KHDRBS2: variants seen among roughly 807,000 people sequenced by gnomAD.
KHDRBS2 encodes the protein KH domain-containing, RNA-binding, signal transduction-associated protein 2.
KHDRBS2 carries 26 observed loss-of-function variants against 44.3 expected under a neutral mutation model. The ratio of observed to expected loss-of-function variants is 0.59; its 90% CI spans 0.43 to 0.81. The LOEUF (loss-of-function observed/expected upper bound fraction) is 0.81. Among genes scored for constraint, KHDRBS2 ranks in the 40% least tolerant of loss-of-function variants. The pLI is 0.00. For missense variants in KHDRBS2, 476 were observed against 433.1 expected (o/e 1.10, Z -0.88); for synonymous variants, 194 against 151.1 (o/e 1.28, Z -2.08).
the KHDRBS2 span, among the ~76,000 whole-genome samples, chr6:61,597,773 TACACCA>T: frequency 1.9e-4 from 8 of 42,338 alleles, no homozygotes; most frequent in East Asian, 1.0e-3. Context: ...TATATATATA[TACACCA>T]AGATTATTGC....
chr6:61,758,058 T>G (rs990497842), intron 6 of KHDRBS2, among the ~76,000 whole-genome samples: 8 of 152,160 alleles, frequency 5.3e-5, no homozygotes, highest in African/African-American at 1.7e-4. Context: ...TTACAATTTT[T>G]AGCTGCCTTG....
the KHDRBS2 span, among the ~76,000 whole-genome samples, chr6:61,558,487 A>G: frequency 6.6e-6 from 1 of 152,154 alleles, no homozygotes; most frequent in East Asian, 1.9e-4. Flanking sequence ...GCTTGAGCCC[A>G]GGATGTTGAG....
At chr6:61,727,783 G>A (rs1021532706) in intron 7 of KHDRBS2, among the ~76,000 whole-genome samples, 2 of 151,672 alleles carry the variant, frequency 1.3e-5, no homozygotes. Flanking sequence ...AAACATGCTC[G>A]TGAAGTTGCA....
the KHDRBS2 span, among the ~76,000 whole-genome samples, chr6:61,631,396 G>A: frequency 6.7e-6 from 1 of 150,374 alleles, no homozygotes; most frequent in Non-Finnish European, 1.5e-5. Flanking sequence ...TTTGGGAGAG[G>A]CATACCTAAC....
At chr6:62,007,550 T>A (rs1236024909) in intron 3 of KHDRBS2, among the ~76,000 whole-genome samples, 2 of 152,104 alleles carry the variant, frequency 1.3e-5, no homozygotes, top group African/African-American at 4.8e-5. Flanking sequence ...TTTAATCTGT[T>A]TAATTAATTA....
intron 1 of KHDRBS2, among the ~76,000 whole-genome samples, chr6:62,271,693 G>A (rs1407779879): frequency 2.0e-5 from 3 of 151,968 alleles, no homozygotes; most frequent in African/African-American, 7.2e-5. Flanking sequence ...CTAGGCTAAT[G>A]TGTGTAGCTG....
chr6:61,557,211 A>C, the KHDRBS2 span, among the ~76,000 whole-genome samples: 1 of 152,174 alleles, frequency 6.6e-6, no homozygotes, highest in Non-Finnish European at 1.5e-5. Context: ...ATAATATTGC[A>C]TTATATATGC....
chr6:62,164,192 A>G (rs1818214720), intron 2 of KHDRBS2, among the ~76,000 whole-genome samples: 1 of 151,952 alleles, frequency 6.6e-6, no homozygotes, highest in Non-Finnish European at 1.5e-5. Context: ...AGATAAAGGC[A>G]ACAGGCTGTA....
chr6:61,780,513 A>G (rs1030858204), intron 6 of KHDRBS2, among the ~76,000 whole-genome samples: 9 of 151,030 alleles, frequency 6.0e-5, no homozygotes, highest in Non-Finnish European at 1.5e-5. Flanking sequence ...AATAAAATAT[A>G]ATATAATAAA....
chr6:62,123,962 C>A (rs376596628), intron 2 of KHDRBS2, among the ~76,000 whole-genome samples: 1 of 152,168 alleles, frequency 6.6e-6, no homozygotes, highest in African/African-American at 2.4e-5. Context: ...TAGATAAAAT[C>A]CTATTACACT....
At chr6:61,848,473 A>T (rs1326797988) in intron 6 of KHDRBS2, among the ~76,000 whole-genome samples, 1 of 50,040 alleles carries the variant, frequency 2.0e-5, no homozygotes, top group African/African-American at 1.3e-4. Flanking sequence ...GAGGTTTTAT[A>T]TATATATATA....
At chr6:61,835,973 C>T (rs1454841248) in intron 6 of KHDRBS2, among the ~76,000 whole-genome samples, 2 of 151,924 alleles carry the variant, frequency 1.3e-5, no homozygotes, top group East Asian at 3.9e-4. Flanking sequence ...GGATAACAAA[C>T]ATTGTGAACA....
At chr6:61,578,732 C>T in the KHDRBS2 span, among the ~76,000 whole-genome samples, 6 of 152,100 alleles carry the variant, frequency 3.9e-5, no homozygotes, top group African/African-American at 1.2e-4. Flanking sequence ...CGATTATAGT[C>T]GGATGCTTGG....
intron 2 of KHDRBS2, among the ~76,000 whole-genome samples, chr6:62,106,551 C>A (rs1227881578): frequency 1.3e-5 from 2 of 152,060 alleles, no homozygotes; most frequent in Admixed American, 1.3e-4. Flanking sequence ...TGGTACCTTT[C>A]CTTCTGAAAC....
At chr6:62,002,559 A>T (rs1410100801) in intron 3 of KHDRBS2, among the ~76,000 whole-genome samples, 5 of 151,334 alleles carry the variant, frequency 3.3e-5, no homozygotes, top group Non-Finnish European at 7.4e-5. Context: ...CCTTTTAAAT[A>T]CTATATTACT....
intron 4 of KHDRBS2, among the ~76,000 whole-genome samples, chr6:61,953,394 A>G (rs926127191): frequency 5.9e-5 from 9 of 152,144 alleles, no homozygotes; most frequent in African/African-American, 2.2e-4. Flanking sequence ...AATGGCCAGC[A>G]TTTTTGAAAT....
the KHDRBS2 span, among the ~76,000 whole-genome samples, chr6:61,648,096 T>A: frequency 6.6e-6 from 1 of 152,104 alleles, no homozygotes; most frequent in Non-Finnish European, 1.5e-5. Flanking sequence ...TAAGTTGACC[T>A]AAAATCCTAT....
chr6:62,179,737 G>T (rs2150124836), intron 1 of KHDRBS2, among the ~76,000 whole-genome samples: 1 of 151,834 alleles, frequency 6.6e-6, no homozygotes, highest in East Asian at 1.9e-4. Context: ...GGCTTTTTTA[G>T]ACATCTGCAA....
intron 1 of KHDRBS2, among the ~76,000 whole-genome samples, chr6:62,231,597 G>T (rs1832910215): frequency 6.6e-6 from 1 of 152,080 alleles, no homozygotes. Flanking sequence ...AACATGCCAA[G>T]ATTATTCAAC....
Sources: allele counts gnomAD v4.1 joint callset (sites outside exome capture counted in the v4.1 genomes callset), GRCh38; gene constraint gnomAD v4.1.1; transcripts MANE v1.5; gene names NCBI Gene and HGNC (gene_info 2026-07-23, HGNC 2026-07-21).